The following SCAPER variants were observed in gnomAD, a reference collection of about 807,000 sequenced individuals.
SCAPER encodes the protein S-phase cyclin A associated protein in the ER.
In SCAPER, 98 loss-of-function variants were observed where a neutral mutation model predicts 182.2. The observed-to-expected ratio is 0.54, with a 90% CI of 0.46 to 0.64. The LOEUF is 0.64. SCAPER is among the 30% of genes least tolerant of loss of function. SCAPER has a pLI of 0.00. For missense variants in SCAPER, 1,432 were observed against 1,690.0 expected (o/e 0.85, Z 2.68); for synonymous variants, 605 against 564.6 (o/e 1.07, Z -1.01).
intron 25 of SCAPER, among the ~76,000 whole-genome samples, chr15:76,456,464 A>G (rs913845018): frequency 4.6e-5 from 7 of 152,236 alleles, no homozygotes; most frequent in African/African-American, 1.7e-4. Flanking sequence ...CATATTTTCA[A>G]TGATTTCAAG....
chr15:76,539,066 G>GA (rs2044479040), intron 23 of SCAPER, among the ~76,000 whole-genome samples: 1 of 146,476 alleles, frequency 6.8e-6, no homozygotes, highest in African/African-American at 2.6e-5. Flanking sequence ...AATGTTGTAA[G>GA]TAAAAAAAAA....
intron 29 of SCAPER, among the ~76,000 whole-genome samples, chr15:76,369,284 A>G (rs953697153): frequency 1.3e-4 from 20 of 152,210 alleles, no homozygotes; most frequent in African/African-American, 4.8e-4. Flanking sequence ...CCTGTGGACA[A>G]ATTGGTTCTG....
chr15:76,481,929 G>A (rs544845663), intron 24 of SCAPER, among the ~76,000 whole-genome samples: 1 of 152,280 alleles, frequency 6.6e-6, no homozygotes, highest in South Asian at 2.1e-4. Context: ...ACATGGTGAA[G>A]TTCAAATGTT....
chr15:76,653,507 A>G (rs1279197380), intron 21 of SCAPER, among the ~76,000 whole-genome samples: 1 of 152,240 alleles, frequency 6.6e-6, no homozygotes, highest in East Asian at 1.9e-4. Flanking sequence ...TATTGGTACA[A>G]AAACTGACAC....
chr15:76,519,214 C>G (rs929296194), intron 23 of SCAPER, among the ~76,000 whole-genome samples: 1 of 152,170 alleles, frequency 6.6e-6, no homozygotes. Context: ...CGCTTTTAAT[C>G]TGAAATTTAA....
chr15:76,799,057 CA>C (rs774710619), intron 7 of SCAPER, among the ~76,000 whole-genome samples: 4 of 151,764 alleles, frequency 2.6e-5, no homozygotes, highest in African/African-American at 9.7e-5. Flanking sequence ...GAGACAATGG[CA>C]AAAAACAGTA....
intron 15 of SCAPER, among the ~76,000 whole-genome samples, chr15:76,740,794 A>G (rs2061501667): frequency 6.6e-6 from 1 of 152,154 alleles, no homozygotes; most frequent in African/African-American, 2.4e-5. Flanking sequence ...TTACATATAT[A>G]AGGAAAACTA....
intron 25 of SCAPER, among the ~76,000 whole-genome samples, chr15:76,470,066 C>T (rs150516930): frequency 6.6e-5 from 10 of 152,068 alleles, no homozygotes; most frequent in African/African-American, 9.6e-5. Context: ...ATTGCTATTC[C>T]CTCTCAATGT....
chr15:76,595,937 G>C (rs145422113), intron 22 of SCAPER, among the ~76,000 whole-genome samples: 2,057 of 119,586 alleles, frequency 0.017, 571 homozygotes, highest in East Asian at 0.11. Flanking sequence ...TCAAAAGCTA[G>C]CAGAAGAAAT....
At chr15:76,510,340 T>G (rs1597109510) in intron 23 of SCAPER, among the ~76,000 whole-genome samples, 1 of 152,258 alleles carries the variant, frequency 6.6e-6, no homozygotes, top group South Asian at 2.1e-4. Flanking sequence ...AACAAAGGAC[T>G]AATATCTAGA....
chr15:76,508,876 C>T (rs1054918341), intron 23 of SCAPER, among the ~76,000 whole-genome samples: 3 of 152,006 alleles, frequency 2.0e-5, no homozygotes, highest in Non-Finnish European at 4.4e-5. Context: ...TTTCATAGTA[C>T]CATAAGTTAG....
intron 1 of SCAPER, among the ~76,000 whole-genome samples, chr15:76,895,758 C>T (rs974490114): frequency 3.3e-5 from 5 of 152,046 alleles, no homozygotes; most frequent in Admixed American, 1.3e-4. Context: ...AAAACAATCC[C>T]GGCCAGGTGC....
chr15:76,508,634 T>C (rs1444622818), intron 23 of SCAPER, among the ~76,000 whole-genome samples: 1 of 152,220 alleles, frequency 6.6e-6, no homozygotes, highest in Non-Finnish European at 1.5e-5. Context: ...TTTTATTTGC[T>C]GTTTCCTGAT....
At chr15:76,533,143 T>C (rs1272951834) in intron 23 of SCAPER, among the ~76,000 whole-genome samples, 1 of 152,096 alleles carries the variant, frequency 6.6e-6, no homozygotes, top group Non-Finnish European at 1.5e-5. Flanking sequence ...ATTACTGAGA[T>C]TAGTTTTGAA....
intron 23 of SCAPER, among the ~76,000 whole-genome samples, chr15:76,535,815 T>C (rs1334649441): frequency 1.3e-5 from 2 of 152,158 alleles, no homozygotes; most frequent in Non-Finnish European, 2.9e-5. Context: ...TTATGAATCA[T>C]CTCAGAAATA....
chr15:76,639,209 A>G (rs1402858709), intron 21 of SCAPER, among the ~76,000 whole-genome samples: 1 of 152,200 alleles, frequency 6.6e-6, no homozygotes, highest in East Asian at 1.9e-4. Context: ...GTGTTAGTTC[A>G]GAAGGAACTG....
intron 15 of SCAPER, among the ~76,000 whole-genome samples, chr15:76,739,774 T>C (rs1364036076): frequency 1.3e-5 from 2 of 152,180 alleles, no homozygotes; most frequent in Non-Finnish European, 2.9e-5. Flanking sequence ...TAAAGGTGAT[T>C]CGTGAGCTAA....
chr15:76,595,924 A>G lies in SCAPER; in HGVS notation c.2712-21640T>C, dbSNP rs1376701133. ...AAGAACTGAGAAGCAAGAGCAAACA[A>G]ATTCAAAAGCTAGCAGAAGAAATAA... On this transcript the variant is annotated intron_variant, in intron 22 of 31. Coordinates refer to ENST00000563290, the MANE Select transcript of SCAPER (RefSeq NM_020843.4). Among the ~76,000 whole-genome samples the G allele has an allele frequency of 7.4e-5, 9 of 121,164 alleles. 1 individual carries two copies. The Admixed American group carries it at 8.5e-4, about 11-fold the overall frequency. The allele number at this position is 121,164 out of a possible 152,430, so 79.5% of individuals were successfully genotyped here. A position where few individuals can be genotyped will look rare whatever the true frequency, so the allele number is the denominator to read the frequency against.
intron 23 of SCAPER, among the ~76,000 whole-genome samples, chr15:76,562,441 A>C (rs574293721): frequency 5.3e-5 from 8 of 152,306 alleles, no homozygotes; most frequent in African/African-American, 1.9e-4. Flanking sequence ...TATTCTAACA[A>C]TCAGTAGAAA....
Sources: gnomAD v4.1 joint callset for allele counts (sites outside exome capture counted in the v4.1 genomes callset) on GRCh38, gnomAD v4.1.1 for gene constraint, MANE v1.5 for transcripts, NCBI Gene and HGNC (gene_info 2026-07-23, HGNC 2026-07-21) for gene names.